The following TENM2 variants were observed in gnomAD, a reference collection of about 807,000 sequenced individuals.
TENM2 encodes the protein teneurin transmembrane protein 2, also known as teneurin-2.
Under a neutral mutation model 245.2 loss-of-function variants are expected in TENM2, and 52 were observed. That is an observed-to-expected ratio of 0.21 (90% CI 0.17 to 0.27). The LOEUF is 0.27. Among genes scored for constraint, TENM2 ranks in the 10% least tolerant of loss-of-function variants. TENM2 has a pLI of 1.00. For missense variants in TENM2, 3,046 were observed against 3,666.8 expected, an observed-to-expected ratio of 0.83 and a Z score of 4.37; for synonymous variants, 1,363 against 1,438.9, an observed-to-expected ratio of 0.95 and a Z score of 1.19.
chr5:167,954,457 G>C (rs1322366635), intron 4 of TENM2, among the ~76,000 whole-genome samples: 1 of 152,036 alleles, frequency 6.6e-6, no homozygotes, highest in African/African-American at 2.4e-5. Context: ...CTACGTATCG[G>C]GTATTATGCT....
chr5:168,250,771 G>A (rs886261992), intron 27 of TENM2, among the ~76,000 whole-genome samples: 2 of 152,142 alleles, frequency 1.3e-5, no homozygotes, highest in African/African-American at 2.4e-5. Flanking sequence ...TCGAGGCCCT[G>A]CCAGGGCTTC....
At chr5:167,908,731 G>A (rs1010597721) in intron 3 of TENM2, among the ~76,000 whole-genome samples, 9 of 145,086 alleles carry the variant, frequency 6.2e-5, no homozygotes, top group African/African-American at 2.3e-4. Context: ...TCCCAACACA[G>A]TCCTCAGCAT....
intron 2 of TENM2, among the ~76,000 whole-genome samples, chr5:167,488,061 A>G (rs1768192542): frequency 6.6e-6 from 1 of 152,152 alleles, no homozygotes; most frequent in African/African-American, 2.4e-5. Context: ...ATCAATAAGA[A>G]CTGAGTATTA....
chr5:167,005,033 T>G, the TENM2 span, among the ~76,000 whole-genome samples: 1 of 152,218 alleles, frequency 6.6e-6, no homozygotes, highest in South Asian at 2.1e-4. Flanking sequence ...TGCAAGTCAT[T>G]AAGAAAAATT....
intron 3 of TENM2, among the ~76,000 whole-genome samples, chr5:167,877,687 G>A (rs540305929): frequency 7.9e-5 from 12 of 152,240 alleles, no homozygotes; most frequent in South Asian, 2.1e-4. Flanking sequence ...AAATGAAATC[G>A]GAAAATGCTC....
intron 7 of TENM2, among the ~76,000 whole-genome samples, chr5:168,077,910 C>T (rs143010390): frequency 0.012 from 1,895 of 152,254 alleles, 101 homozygotes; most frequent in Admixed American, 0.092. Flanking sequence ...GTCTTTATAG[C>T]AGCATGATTT....
At chr5:167,370,872 G>A (rs960639211) in intron 1 of TENM2, among the ~76,000 whole-genome samples, 2 of 152,184 alleles carry the variant, frequency 1.3e-5, no homozygotes, top group South Asian at 4.1e-4. Flanking sequence ...ATCACACAAT[G>A]AGTAGTTTCT....
chr5:167,032,505 G>C, the TENM2 span, among the ~76,000 whole-genome samples: 4,211 of 152,274 alleles, frequency 0.028, 189 homozygotes, highest in African/African-American at 0.095. Flanking sequence ...ACTTTTTATA[G>C]TTCACAATAA....
intron 2 of TENM2, among the ~76,000 whole-genome samples, chr5:167,629,561 C>G (rs1178619052): frequency 6.6e-6 from 1 of 152,142 alleles, no homozygotes; most frequent in Admixed American, 6.6e-5. Context: ...AAATCCAGGA[C>G]TGAGCAGGTA....
chr5:167,459,911 A>AACACACACAC (rs57053799), intron 2 of TENM2, among the ~76,000 whole-genome samples: 41 of 149,682 alleles, frequency 2.7e-4, no homozygotes, highest in Non-Finnish European at 4.5e-4. Context: ...TATAAAGATA[A>AACACACACAC]ACACACACAC....
At chr5:167,286,483 A>G (rs1771356781) in intron 1 of TENM2, among the ~76,000 whole-genome samples, 1 of 152,200 alleles carries the variant, frequency 6.6e-6, no homozygotes, top group African/African-American at 2.4e-5. Context: ...ATGAAGAATC[A>G]TGGCTTAATT....
the TENM2 span, among the ~76,000 whole-genome samples, chr5:167,006,262 G>C: frequency 3.0e-3 from 452 of 152,190 alleles, 2 homozygotes; most frequent in African/African-American, 0.01. Context: ...TAGGGAATTC[G>C]ATTTGGTCAG....
the TENM2 span, among the ~76,000 whole-genome samples, chr5:167,185,333 G>A: frequency 6.6e-6 from 1 of 152,062 alleles, no homozygotes; most frequent in East Asian, 1.9e-4. Flanking sequence ...ATTTTAATGT[G>A]CTGATGTGAT....
Position 168,244,839 on chromosome 5 carries a change from G to A in TENM2, c.5817+123G>A, listed in dbSNP as rs949960036. ...GGCTGGAGTGCAGTGGCATGATCTC[G>A]GCTCACTGCAACCTCTGCCTCCCAG... On this transcript the variant is annotated intron_variant, in intron 26 of 28. Coordinates refer to ENST00000518659, the Ensembl canonical transcript of TENM2. This position sits in a 1 kb window ranked among gnomAD's most constrained non-coding sequence, Gnocchi z 4.9. 9.4e-6 allele frequency: 7 copies of A among 742,158 alleles called. No homozygotes were observed. Among genetic ancestry groups the A allele is most frequent in the Admixed American group, 4.3e-5 (1 of 23,518 alleles). The allele number at this position is 742,158 out of a possible 1,614,324, so 46.0% of individuals were successfully genotyped here.
intron 2 of TENM2, among the ~76,000 whole-genome samples, chr5:167,737,165 G>T (rs1760858151): frequency 6.6e-6 from 1 of 152,172 alleles, no homozygotes; most frequent in African/African-American, 2.4e-5. Context: ...CCAAGAGCCA[G>T]TACGTCAAAG....
the TENM2 span, among the ~76,000 whole-genome samples, chr5:167,229,609 G>A: frequency 2.6e-5 from 4 of 152,170 alleles, no homozygotes; most frequent in African/African-American, 9.7e-5. Flanking sequence ...CACATTGAGT[G>A]GGCTTGACCT....
At chr5:167,555,218 A>G (rs763457067) in intron 2 of TENM2, among the ~76,000 whole-genome samples, 3 of 152,208 alleles carry the variant, frequency 2.0e-5, no homozygotes, top group Middle Eastern at 3.2e-3. Flanking sequence ...GGCTACGACA[A>G]CCAAACACAT....
intron 2 of TENM2, among the ~76,000 whole-genome samples, chr5:167,388,869 A>G (rs1761597419): frequency 6.6e-6 from 1 of 151,876 alleles, no homozygotes; most frequent in Non-Finnish European, 1.5e-5. Flanking sequence ...AGAGTGTTTG[A>G]TATAATTGTG....
chr5:167,704,483 C>G (rs1442903987), intron 2 of TENM2, among the ~76,000 whole-genome samples: 2 of 151,936 alleles, frequency 1.3e-5, no homozygotes, highest in Non-Finnish European at 2.9e-5. Flanking sequence ...AAAGTAAATG[C>G]CTCTGATAAA....
Sources: allele counts gnomAD v4.1 joint callset (sites outside exome capture counted in the v4.1 genomes callset), GRCh38; gene constraint gnomAD v4.1.1; non-coding constraint Gnocchi (gnomAD v3.1); transcripts MANE v1.5; gene names NCBI Gene and HGNC (gene_info 2026-07-23, HGNC 2026-07-21).